The following XKR6 variants were observed in gnomAD, a reference collection of about 807,000 sequenced individuals.
XKR6 encodes XK related 6, also known as XK-related protein 6.
XKR6 carries 22 observed loss-of-function variants against 56.7 expected under a neutral mutation model. The observed-to-expected ratio is 0.39, with a 90% CI of 0.28 to 0.55. The LOEUF (loss-of-function observed/expected upper bound fraction) is 0.55. XKR6 is among the 20% of genes least tolerant of loss of function. XKR6 has a pLI of 0.66. For synonymous variants in XKR6, 524 were observed against 387.8 expected (o/e 1.35, Z -4.13); for missense variants, 852 against 889.0 (o/e 0.96, Z 0.53).
In XKR6 at chr8:10,924,800, C is replaced by G; in HGVS notation, c.795G>C (p.Gln265His). 6.2e-7 allele frequency: 1 copy of G among 1,613,990 alleles called. No homozygotes were observed. The highest frequency in any genetic ancestry group is 1.1e-5 in the South Asian group (1 of 91,070). ...RYIRTMYLGIQSQRRKEHQRR... is the reference protein window; with the variant it reads ...RYIRTMYLGIHSQRRKEHQRR... ...GCTGGTGTTCCTTCCGCCGCTGGCTCTGAATCCCCAGGTACATGGTGCGGA... is the reference window on the plus strand; with the variant it reads ...GCTGGTGTTCCTTCCGCCGCTGGCTGTGAATCCCCAGGTACATGGTGCGGA... Residue 265 changes from glutamine to histidine, a missense_variant, in exon 2 of 3, where the codon CAG becomes CAC. This residue lies in a region of XKR6 where 199 missense variants were observed against 280.4 expected (regional missense o/e 0.71). Coordinates refer to ENST00000416569, the MANE Select transcript of XKR6 (RefSeq NM_173683.4).
chr8:11,173,060 G>C (rs536504330), intron 1 of XKR6, among the ~76,000 whole-genome samples: 1 of 152,232 alleles, frequency 6.6e-6, no homozygotes, highest in African/African-American at 2.4e-5. Context: ...TTCCGGCCGG[G>C]CGCGGTGGCT....
At chr8:11,029,614 T>G (rs1465970086) in intron 1 of XKR6, among the ~76,000 whole-genome samples, 1 of 152,072 alleles carries the variant, frequency 6.6e-6, no homozygotes, top group Non-Finnish European at 1.5e-5. Context: ...CCAAGAGAAA[T>G]CAGTGTCTGC....
intron 1 of XKR6, among the ~76,000 whole-genome samples, chr8:11,026,354 T>C (rs1286530840): frequency 6.6e-6 from 1 of 151,336 alleles, no homozygotes; most frequent in Admixed American, 6.6e-5. Context: ...TAGTGTTGCC[T>C]ACTACACACC....
At chr8:11,190,801 C>A (rs1803532373) in intron 1 of XKR6, among the ~76,000 whole-genome samples, 1 of 152,226 alleles carries the variant, frequency 6.6e-6, no homozygotes, top group Non-Finnish European at 1.5e-5. Context: ...TCAAAAGTTT[C>A]CTCCACCAGT....
intron 1 of XKR6, among the ~76,000 whole-genome samples, chr8:11,140,825 G>A (rs567365833): frequency 9.4e-5 from 14 of 149,644 alleles, no homozygotes; most frequent in Non-Finnish European, 1.3e-4. Context: ...GTGAACCCAG[G>A]AGGAAGAGCT....
At chr8:11,090,493 G>C (rs1017564782) in intron 1 of XKR6, among the ~76,000 whole-genome samples, 1 of 152,092 alleles carries the variant, frequency 6.6e-6, no homozygotes, top group African/African-American at 2.4e-5. Context: ...GCAGATGGTA[G>C]GTGTCTCAAA....
chr8:10,912,490 CAG>C (rs1800422673), intron 2 of XKR6, among the ~76,000 whole-genome samples: 1 of 96,598 alleles, frequency 1.0e-5, no homozygotes. Context: ...GAGAGAGAGA[CAG>C]GGTGTGTATG....
intron 1 of XKR6, among the ~76,000 whole-genome samples, chr8:11,085,602 G>A (rs934390025): frequency 1.3e-5 from 2 of 152,156 alleles, no homozygotes; most frequent in African/African-American, 2.4e-5. Context: ...GGGCCAGAGC[G>A]GGAGATTATT....
In XKR6 at chr8:11,201,347, C is replaced by G; in HGVS notation, c.-8G>C. On this transcript the variant is annotated 5_prime_UTR_variant, in exon 1 of 3. Transcript: ENST00000416569. ...ATCGGATTTCGCCGCCATCTTGACT[C>G]TCTTCCCAGCTCCGGAGGTTGGGGG... 2.1e-6 allele frequency: 3 copies of G among 1,445,898 alleles called. No individual in the cohort carries two copies. The highest frequency in any genetic ancestry group is 2.7e-6 in the Non-Finnish European group (3 of 1,096,124). 89.6% of individuals were successfully genotyped at this position (1,445,898 alleles called of 1,614,324 possible).
chr8:11,115,199 A>T (rs1314852397), intron 1 of XKR6, among the ~76,000 whole-genome samples: 1 of 152,222 alleles, frequency 6.6e-6, no homozygotes, highest in African/African-American at 2.4e-5. Context: ...ACCTCAACTC[A>T]TCATGTGTCT....
At chr8:11,197,103 T>C (rs1237637265) in intron 1 of XKR6, among the ~76,000 whole-genome samples, 2 of 152,202 alleles carry the variant, frequency 1.3e-5, no homozygotes, top group Non-Finnish European at 2.9e-5. Flanking sequence ...TTTACTCTCC[T>C]GAAGGCAACC....
chr8:11,003,166 G>C (rs202224832), intron 1 of XKR6, among the ~76,000 whole-genome samples: 11 of 152,078 alleles, frequency 7.2e-5, no homozygotes, highest in African/African-American at 2.7e-4. Flanking sequence ...TGAAATAATA[G>C]AGTACGTACT....
chr8:11,119,034 A>C (rs1799315881), intron 1 of XKR6, among the ~76,000 whole-genome samples: 1 of 152,018 alleles, frequency 6.6e-6, no homozygotes, highest in Admixed American at 6.6e-5. Context: ...GTTTCAAAGA[A>C]CATCTTTATT....
chr8:11,083,934 A>G (rs966642658), intron 1 of XKR6, among the ~76,000 whole-genome samples: 8 of 152,208 alleles, frequency 5.3e-5, no homozygotes, highest in African/African-American at 1.9e-4. Context: ...GTTAAAAAAA[A>G]AAACTCCTTT....
intron 1 of XKR6, among the ~76,000 whole-genome samples, chr8:11,049,026 C>T (rs952523838): frequency 3.9e-5 from 6 of 152,300 alleles, no homozygotes; most frequent in African/African-American, 1.2e-4. Context: ...AACAAGATCC[C>T]GTGACTATGC....
chr8:10,982,634 C>T (rs7833591), intron 1 of XKR6, among the ~76,000 whole-genome samples: 10,004 of 152,138 alleles, frequency 0.066, 1,112 homozygotes, highest in African/African-American at 0.23. Context: ...GATATCTTCC[C>T]GGAGTCAGAT....
At chr8:10,980,682 CTCTA>C (rs904847728) in intron 1 of XKR6, among the ~76,000 whole-genome samples, 1 of 152,144 alleles carries the variant, frequency 6.6e-6, no homozygotes, top group Non-Finnish European at 1.5e-5. Context: ...CTGTCTATCT[CTCTA>C]TCTATTGACC....
At chr8:11,165,885 T>C (rs1324315885) in intron 1 of XKR6, among the ~76,000 whole-genome samples, 1 of 152,048 alleles carries the variant, frequency 6.6e-6, no homozygotes, top group Non-Finnish European at 1.5e-5. Flanking sequence ...GAACCATAAG[T>C]TCTGAAAAAG....
chr8:11,008,945 G>T (rs974832780), intron 1 of XKR6, among the ~76,000 whole-genome samples: 1 of 152,122 alleles, frequency 6.6e-6, no homozygotes, highest in Non-Finnish European at 1.5e-5. Flanking sequence ...ATGCACAAAG[G>T]TCTTCCAACT....
Sources: gnomAD v4.1 joint callset for allele counts (sites outside exome capture counted in the v4.1 genomes callset) on GRCh38, gnomAD v4.1.1 for gene constraint, gnomAD v4.1.1 regional missense constraint, MANE v1.5 for transcripts, NCBI Gene and HGNC (gene_info 2026-07-23, HGNC 2026-07-21) for gene names.